The following PLEKHA6 variants were observed in gnomAD, a reference collection of about 807,000 sequenced individuals.
PLEKHA6 encodes pleckstrin homology domain containing A6, also known as pleckstrin homology domain-containing family A member 6.
A neutral mutation model predicts 116.7 loss-of-function variants in PLEKHA6; 60 were observed. That is an observed-to-expected ratio of 0.51 (90% confidence interval 0.42 to 0.64). The LOEUF (loss-of-function observed/expected upper bound fraction) is 0.64. PLEKHA6 is among the 30% of genes least tolerant of loss of function. The pLI is 0.00. For missense variants in PLEKHA6, 1,338 were observed against 1,422.7 expected (o/e 0.94, Z 0.96); for synonymous variants, 489 against 556.1 (o/e 0.88, Z 1.70).
intron 6 of PLEKHA6, 31 bp downstream of exon 6, chr1:204,264,911 C>A: frequency 2.0e-6 from 3 of 1,464,782 alleles, no homozygotes; most frequent in Non-Finnish European, 2.9e-6. Context: ...CTTCCTTCCC[C>A]ACCTGCCCTG....
intron 17 of PLEKHA6, among the ~76,000 whole-genome samples, chr1:204,237,610 C>A (rs964374123): frequency 6.6e-6 from 1 of 152,234 alleles, no homozygotes; most frequent in Non-Finnish European, 1.5e-5. Flanking sequence ...ATTAACACAT[C>A]TCCTGGTACC....
intron 1 of PLEKHA6, among the ~76,000 whole-genome samples, chr1:204,286,913 G>C (rs1558140808): frequency 6.6e-6 from 1 of 152,170 alleles, no homozygotes; most frequent in Non-Finnish European, 1.5e-5. Flanking sequence ...GCTGGGTCTA[G>C]TGGCTGGCAC....
intron 1 of PLEKHA6, among the ~76,000 whole-genome samples, chr1:204,308,331 G>A (rs1366596222): frequency 6.6e-6 from 1 of 152,170 alleles, no homozygotes; most frequent in Non-Finnish European, 1.5e-5. Context: ...GATTGCTTGA[G>A]GCCAGGGGTT....
At chr1:204,345,375 A>G (rs1306801138) in intron 1 of PLEKHA6, among the ~76,000 whole-genome samples, 1 of 152,120 alleles carries the variant, frequency 6.6e-6, no homozygotes, top group Non-Finnish European at 1.5e-5. Context: ...GCCCATCAGA[A>G]GGTGCCTGAG....
chr1:204,275,876 G>T, intron 1 of PLEKHA6: 1 of 208,758 alleles, frequency 4.8e-6, no homozygotes, highest in Non-Finnish European at 8.4e-6. Flanking sequence ...CAGAGTAGGT[G>T]CCAAACTCCC....
At chr1:204,288,333 A>T (rs758916297) in intron 1 of PLEKHA6, among the ~76,000 whole-genome samples, 2 of 151,870 alleles carry the variant, frequency 1.3e-5, no homozygotes, top group African/African-American at 2.4e-5. Context: ...GAAAGTAGCA[A>T]CTCCCACCTT....
chr1:204,234,996 ATATATATATATATATATC>A (rs1320387538), intron 17 of PLEKHA6, among the ~76,000 whole-genome samples: 35 of 23,170 alleles, frequency 1.5e-3, no homozygotes, highest in Admixed American at 3.9e-3. Flanking sequence ...ATATATATAT[ATATATATATATATATATC>A]TAATAGCAGA....
At chr1:204,282,245 G>A (rs1166919461) in intron 1 of PLEKHA6, among the ~76,000 whole-genome samples, 1 of 152,206 alleles carries the variant, frequency 6.6e-6, no homozygotes, top group African/African-American at 2.4e-5. Flanking sequence ...ACGCACGTGT[G>A]TGTGCATGAG....
intron 1 of PLEKHA6, among the ~76,000 whole-genome samples, chr1:204,321,251 C>A (rs1194686113): frequency 6.6e-6 from 1 of 152,090 alleles, no homozygotes; most frequent in Non-Finnish European, 1.5e-5. Context: ...CTCAGGCAGG[C>A]TACAAGCCTC....
intron 17 of PLEKHA6, among the ~76,000 whole-genome samples, chr1:204,233,830 G>T: frequency 6.6e-6 from 1 of 152,108 alleles, no homozygotes; most frequent in Non-Finnish European, 1.5e-5. Flanking sequence ...ATACCAGATG[G>T]AGATGATTTA....
At chr1:204,339,908 A>G (rs1672784960) in intron 1 of PLEKHA6, among the ~76,000 whole-genome samples, 1 of 152,260 alleles carries the variant, frequency 6.6e-6, no homozygotes, top group Non-Finnish European at 1.5e-5. Context: ...ACAGGATTAC[A>G]ACTATATAAA....
In PLEKHA6 at chr1:204,277,414, T is replaced by C. The variant is rs1668130600; in HGVS notation, c.-94-2605A>G. Among the ~76,000 whole-genome samples the C allele has an allele frequency of 6.6e-6, 1 of 152,138 alleles. No individual in the cohort carries two copies. Among genetic ancestry groups the C allele is most frequent in the Non-Finnish European group, 1.5e-5 (1 of 68,014 alleles). Reference sequence around the variant, plus strand: ...GGCATACACGGAGCAGGTGTAGCACTCCCAGGTAGTCCGACCTCAGTGAGC... The same window carrying C: ...GGCATACACGGAGCAGGTGTAGCACCCCCAGGTAGTCCGACCTCAGTGAGC... On this transcript the variant is annotated intron_variant, in intron 1 of 22. Transcript: ENST00000272203. This position sits in a 1 kb window ranked among gnomAD's most constrained non-coding sequence, Gnocchi z 4.1.
At chr1:204,373,991 G>C (rs1343840676) in intron 1 of PLEKHA6, among the ~76,000 whole-genome samples, 2 of 152,090 alleles carry the variant, frequency 1.3e-5, no homozygotes, top group African/African-American at 4.8e-5. Context: ...CATTACATCT[G>C]TCCTGAGATT....
rs1207259729 is a variant in PLEKHA6, at chr1:204,346,794, G to A, written c.-95+12900C>T. 1.1e-5 allele frequency: 13 copies of A among 1,137,404 alleles called. No individual in the cohort carries two copies. In the East Asian group the frequency reaches 3.0e-4, roughly 27 times the overall value. The allele number at this position is 1,137,404 out of a possible 1,614,324, so 70.5% of individuals were successfully genotyped here. A position where few individuals can be genotyped will look rare whatever the true frequency, so the allele number is the denominator to read the frequency against. On this transcript the variant is annotated intron_variant, in intron 1 of 22. Transcript: ENST00000272203. ...ACACCTATTATGCCATGAATTCATA[G>A]GGAATAGGTTCCAGCAGCTCAGGCT...
chr1:204,257,982 A>G lies in PLEKHA6; in HGVS notation c.1008-113T>C. ...GAGCAGGGTGCTTGAATAGGTACAC[A>G]GGGGCTGAGGTTTATTCCAGAGATG... On this transcript the variant is annotated intron_variant, in intron 8 of 22. Transcript: ENST00000272203. This position sits in a 1 kb window ranked among gnomAD's most constrained non-coding sequence, Gnocchi z 6.5. 1.1e-6 allele frequency: 1 copy of G among 879,682 alleles called. No homozygotes were observed. Among genetic ancestry groups the G allele is most frequent in the Non-Finnish European group, 1.7e-6 (1 of 574,096 alleles). 54.5% of individuals were successfully genotyped at this position (879,682 alleles called of 1,614,324 possible). A position where few individuals can be genotyped will look rare whatever the true frequency, so the allele number is the denominator to read the frequency against.
chr1:204,257,746 C>A lies in PLEKHA6; in HGVS notation c.1131G>T (p.Met377Ile), dbSNP rs1321525335. 1 of 1,613,712 alleles carries A rather than the reference C, an allele frequency of 6.2e-7. No homozygotes were observed. The highest frequency in any genetic ancestry group is 8.5e-7 in the Non-Finnish European group (1 of 1,179,870). The change falls in exon 9 of 23, where the codon ATG (methionine) becomes ATT (isoleucine). Residue 377 changes from methionine (M) to isoleucine (I), a missense_variant. By Grantham distance (10) the Met-to-Ile change is conservative. Around this residue, in one of 3 missense-constraint regions of PLEKHA6, gnomAD observed 1,136 missense variants for 1,163.6 expected, o/e 0.98. Transcript: ENST00000272203. The surrounding 1 kb of genome is among the most constrained non-coding windows in gnomAD (Gnocchi z 6.5). ...PGVRPESICS[M>I]PAYDRISPPW... ...GCGGGCTGATCCGATCATAGGCCGG[C>A]ATGGAACAGATGCTCTCCGGCCGCA...
intron 1 of PLEKHA6, among the ~76,000 whole-genome samples, chr1:204,374,190 AGTCACAGGCT>A (rs1449808443): frequency 2.0e-5 from 3 of 152,190 alleles, no homozygotes; most frequent in Non-Finnish European, 2.9e-5. Context: ...GGGACAACGC[AGTCACAGGCT>A]GTCTCCACTC....
At chr1:204,353,022 A>T (rs1673327469) in intron 1 of PLEKHA6, among the ~76,000 whole-genome samples, 2 of 152,186 alleles carry the variant, frequency 1.3e-5, no homozygotes, top group Non-Finnish European at 2.9e-5. Flanking sequence ...CATTTTTGCA[A>T]CCTAGTACCT....
At chr1:204,311,706 A>T in intron 1 of PLEKHA6, 6 of 931,148 alleles carry the variant, frequency 6.4e-6, no homozygotes, top group Non-Finnish European at 6.4e-6. Context: ...AAAAATATTT[A>T]TTGAATGAAA....
Sources: allele counts gnomAD v4.1 joint callset (sites outside exome capture counted in the v4.1 genomes callset), GRCh38; gene constraint gnomAD v4.1.1; regional missense constraint gnomAD v4.1.1; non-coding constraint Gnocchi (gnomAD v3.1); transcripts MANE v1.5; gene names NCBI Gene and HGNC (gene_info 2026-07-23, HGNC 2026-07-21).